The following NALF1 variants were observed in gnomAD, a reference collection of about 807,000 sequenced individuals.
NALF1 encodes family with sequence similarity 155 member A.
In NALF1, 3 loss-of-function variants were observed where a neutral mutation model predicts 48.4. The ratio of observed to expected loss-of-function variants is 0.06; its 90% CI spans 0.03 to 0.16. The LOEUF (loss-of-function observed/expected upper bound fraction) is 0.16, where lower values mean the gene tolerates loss of function less well. Among genes scored for constraint, NALF1 ranks in the 10% least tolerant of loss-of-function variants. The pLI is 1.00. For synonymous variants in NALF1, 262 were observed against 245.7 expected (o/e 1.07, Z -0.62); for missense variants, 526 against 571.5 (o/e 0.92, Z 0.81).
chr13:107,648,215 G>T (rs895815733), intron 1 of NALF1, among the ~76,000 whole-genome samples: 1 of 152,030 alleles, frequency 6.6e-6, no homozygotes, highest in African/African-American at 2.4e-5. Flanking sequence ...TCACATTAGG[G>T]TTCACTCTTT....
At chr13:107,291,041 C>G (rs1171506837) in intron 1 of NALF1, among the ~76,000 whole-genome samples, 1 of 151,464 alleles carries the variant, frequency 6.6e-6, no homozygotes, top group Non-Finnish European at 1.5e-5. Flanking sequence ...AAAGCCTACT[C>G]TTAATTAACA....
intron 1 of NALF1, among the ~76,000 whole-genome samples, chr13:107,577,534 G>T (rs1878188312): frequency 6.6e-6 from 1 of 152,176 alleles, no homozygotes; most frequent in Non-Finnish European, 1.5e-5. Context: ...TGTGATCCAG[G>T]AAAGGTGTGT....
At chr13:107,371,275 T>C (rs935683228) in intron 1 of NALF1, among the ~76,000 whole-genome samples, 2 of 151,996 alleles carry the variant, frequency 1.3e-5, no homozygotes, top group African/African-American at 4.8e-5. Flanking sequence ...AGGGAAACCC[T>C]GTCTCTACAA....
At chr13:107,766,767 T>C (rs1006239804) in intron 1 of NALF1, among the ~76,000 whole-genome samples, 5 of 152,226 alleles carry the variant, frequency 3.3e-5, no homozygotes, top group Admixed American at 6.5e-5. Flanking sequence ...AACTTTTAGA[T>C]CATCATAGTT....
At chr13:107,485,797 T>A (rs1360082277) in intron 1 of NALF1, among the ~76,000 whole-genome samples, 1 of 152,212 alleles carries the variant, frequency 6.6e-6, no homozygotes, top group Non-Finnish European at 1.5e-5. Flanking sequence ...ATCTTTTATG[T>A]ACACTCAGGG....
intron 1 of NALF1, among the ~76,000 whole-genome samples, chr13:107,621,871 A>AG (rs1879525642): frequency 6.6e-6 from 1 of 152,150 alleles, no homozygotes; most frequent in Non-Finnish European, 1.5e-5. Context: ...TGAGTCGGGC[A>AG]GGGCTCTATC....
At chr13:107,542,902 T>C (rs975896348) in intron 1 of NALF1, among the ~76,000 whole-genome samples, 1 of 152,080 alleles carries the variant, frequency 6.6e-6, no homozygotes, top group African/African-American at 2.4e-5. Flanking sequence ...GGCATCAAAA[T>C]AGTTTATATT....
chr13:107,827,165 T>C (rs369855777), intron 1 of NALF1, among the ~76,000 whole-genome samples: 1 of 152,260 alleles, frequency 6.6e-6, no homozygotes, highest in Non-Finnish European at 1.5e-5. Context: ...ATACTTGTTT[T>C]AACCAATCAA....
At chr13:107,699,649 G>C (rs183498900) in intron 1 of NALF1, among the ~76,000 whole-genome samples, 366 of 152,158 alleles carry the variant, frequency 2.4e-3, no homozygotes, top group African/African-American at 8.4e-3. Context: ...ATTCAACATA[G>C]TACTGGAAGT....
At chr13:107,196,735 T>C (rs1349553003) in intron 2 of NALF1, among the ~76,000 whole-genome samples, 1 of 151,988 alleles carries the variant, frequency 6.6e-6, no homozygotes, top group African/African-American at 2.4e-5. Flanking sequence ...GTAGCAAATA[T>C]GGAGGATGAA....
chr13:107,784,602 G>A (rs562331094), intron 1 of NALF1, among the ~76,000 whole-genome samples: 10 of 152,082 alleles, frequency 6.6e-5, no homozygotes, highest in African/African-American at 1.7e-4. Flanking sequence ...ATGAATAGAC[G>A]ATTCTCAAAA....
At chr13:107,532,996 C>T (rs1234275607) in intron 1 of NALF1, among the ~76,000 whole-genome samples, 1 of 152,010 alleles carries the variant, frequency 6.6e-6, no homozygotes, top group Admixed American at 6.6e-5. Context: ...AGAATACATG[C>T]TAAGCTGGAA....
intron 1 of NALF1, among the ~76,000 whole-genome samples, chr13:107,239,431 C>G (rs1237660073): frequency 6.6e-6 from 1 of 152,158 alleles, no homozygotes; most frequent in Non-Finnish European, 1.5e-5. Flanking sequence ...ATGGCACTTC[C>G]CTTTTCTATA....
At chr13:107,185,533 A>T (rs953399321) in intron 2 of NALF1, among the ~76,000 whole-genome samples, 1 of 151,886 alleles carries the variant, frequency 6.6e-6, no homozygotes, top group African/African-American at 2.4e-5. Context: ...TGTCTGTGTT[A>T]CATTTCATAT....
At chr13:107,279,561 T>C (rs1188413607) in intron 1 of NALF1, among the ~76,000 whole-genome samples, 1 of 151,966 alleles carries the variant, frequency 6.6e-6, no homozygotes, top group Non-Finnish European at 1.5e-5. Flanking sequence ...CGGTGATGCC[T>C]CAACCATTTC....
chr13:107,172,256 G>A (rs1296019476), intron 2 of NALF1, among the ~76,000 whole-genome samples: 1 of 152,018 alleles, frequency 6.6e-6, no homozygotes, highest in Non-Finnish European at 1.5e-5. Flanking sequence ...CTTAATTATA[G>A]CAATTATTCT....
intron 1 of NALF1, among the ~76,000 whole-genome samples, chr13:107,479,304 C>A (rs1283435214): frequency 6.6e-6 from 1 of 152,158 alleles, no homozygotes; most frequent in African/African-American, 2.4e-5. Context: ...AAACTCCTGG[C>A]ATCATAACTA....
chr13:107,374,362 G>A (rs1467727628), intron 1 of NALF1, among the ~76,000 whole-genome samples: 2 of 152,156 alleles, frequency 1.3e-5, no homozygotes, highest in African/African-American at 2.4e-5. Context: ...CATGACTTCA[G>A]TGGACCCTTT....
rs554021852 is a variant in NALF1, at chr13:107,419,988, C to T, written c.916-209233G>A. ...GCTCGATGGTACTTCAAAAATGGAA[C>T]TGAAAAGTAACAAAAATGGAAGTGA... On this transcript the variant is annotated intron_variant, in intron 1 of 2. Transcript: ENST00000375915. Among the ~76,000 whole-genome samples the T allele has an allele frequency of 3.3e-5, 5 of 152,210 alleles. No homozygotes were observed. The South Asian group carries it at 1.0e-3, about 32-fold the overall frequency.
Sources: allele counts gnomAD v4.1 joint callset (sites outside exome capture counted in the v4.1 genomes callset), GRCh38; gene constraint gnomAD v4.1.1; transcripts MANE v1.5; gene names NCBI Gene and HGNC (gene_info 2026-07-23, HGNC 2026-07-21).